The following CREBBP variants were observed in gnomAD, a reference collection of about 807,000 sequenced individuals.
CREBBP encodes CREB binding lysine acetyltransferase, also known as CREB-binding protein.
In CREBBP, 19 loss-of-function variants were observed where a neutral mutation model predicts 265.0. The ratio of observed to expected loss-of-function variants is 0.07; its 90% CI spans 0.05 to 0.11. The LOEUF (loss-of-function observed/expected upper bound fraction) is 0.11. Among genes scored for constraint, CREBBP ranks in the 10% least tolerant of loss-of-function variants. The probability of loss-of-function intolerance (pLI) is 1.00; values close to 1 mark genes in which losing one functional copy is unlikely to be tolerated. For synonymous variants in CREBBP, 1,457 were observed against 1,223.7 expected, an observed-to-expected ratio of 1.19 and a Z score of -3.98; for missense variants, 2,525 against 3,219.0, an observed-to-expected ratio of 0.78 and a Z score of 5.22.
At chr16:3,762,460 G>A (rs59074948) in intron 16 of CREBBP, among the ~76,000 whole-genome samples, 1,995 of 149,364 alleles carry the variant, frequency 0.013, 46 homozygotes, top group African/African-American at 0.047. Context: ...GATTACAGGC[G>A]TGAGCCACGG....
chr16:3,741,718 T>G (rs1249019521), intron 23 of CREBBP: 2 of 151,968 alleles, frequency 1.3e-5, no homozygotes, highest in African/African-American at 4.8e-5. Context: ...GGCGAGTGGA[T>G]CACCTGAGGT....
chr16:3,792,212 C>T (rs1440507865), intron 4 of CREBBP, 118 bp from the exon 5 acceptor site: 12 of 859,236 alleles, frequency 1.4e-5, no homozygotes, highest in South Asian at 9.8e-5. Context: ...AACCATAACA[C>T]AGTATAGGCA....
At chr16:3,776,267 C>T (rs1021104482) in intron 11 of CREBBP, among the ~76,000 whole-genome samples, 3 of 152,090 alleles carry the variant, frequency 2.0e-5, no homozygotes, top group African/African-American at 4.8e-5. Flanking sequence ...AGCCTCTTTC[C>T]TTAGAGTCTT....
intron 5 of CREBBP, among the ~76,000 whole-genome samples, chr16:3,786,848 A>C (rs2053399272): frequency 6.6e-6 from 1 of 152,014 alleles, no homozygotes; most frequent in Non-Finnish European, 1.5e-5. Context: ...GAGGGTGGGG[A>C]GATCACCTGA....
At chr16:3,839,164 A>T (rs146441438) in intron 2 of CREBBP, among the ~76,000 whole-genome samples, 18 of 152,356 alleles carry the variant, frequency 1.2e-4, no homozygotes, top group African/African-American at 4.1e-4. Flanking sequence ...GAGAGATTAA[A>T]TAAGTTTCCC....
chr16:3,748,269 CT>C (rs2052392619), intron 21 of CREBBP, among the ~76,000 whole-genome samples: 1 of 149,458 alleles, frequency 6.7e-6, no homozygotes, highest in Non-Finnish European at 1.5e-5. Context: ...CAGAGCAAGA[CT>C]TGTCTCAGGG....
chr16:3,829,042 A>C (rs1042118588), intron 2 of CREBBP, among the ~76,000 whole-genome samples: 2 of 151,186 alleles, frequency 1.3e-5, no homozygotes, highest in Non-Finnish European at 2.9e-5. Context: ...TCATATACAT[A>C]ATTTTGAAAA....
At chr16:3,837,558 G>A (rs1312729864) in intron 2 of CREBBP, among the ~76,000 whole-genome samples, 1 of 151,842 alleles carries the variant, frequency 6.6e-6, no homozygotes, top group Non-Finnish European at 1.5e-5. Flanking sequence ...GGAGGTTGCA[G>A]TGAGCAGAGA....
intron 2 of CREBBP, among the ~76,000 whole-genome samples, chr16:3,837,085 A>C (rs767179614): frequency 1.3e-5 from 2 of 152,198 alleles, no homozygotes; most frequent in African/African-American, 2.4e-5. Flanking sequence ...GTTAACTGTA[A>C]AACAGCCTCA....
Position 3,739,547 on chromosome 16 carries a change from T to C in CREBBP, c.4280+31A>G, listed in dbSNP as rs2151336346. Reference sequence around the variant, plus strand: ...GTCTATCCTAACACGGCTCACTGAATGACACGCCCTGGAAGGAGCTGGAAA... The same window carrying C: ...GTCTATCCTAACACGGCTCACTGAACGACACGCCCTGGAAGGAGCTGGAAA... On this transcript the variant is annotated intron_variant, in intron 25 of 30. Transcript: ENST00000262367. 1.9e-6 allele frequency: 3 copies of C among 1,614,012 alleles called. No homozygotes were observed. In the South Asian group the frequency reaches 3.3e-5, roughly 18 times the overall value.
intron 2 of CREBBP, among the ~76,000 whole-genome samples, chr16:3,819,179 A>T (rs1324773865): frequency 6.6e-6 from 1 of 152,272 alleles, no homozygotes; most frequent in Non-Finnish European, 1.5e-5. Context: ...TTTCATCCAT[A>T]GAGGCAACAT....
intron 26 of CREBBP, 34 bp downstream of exon 26, chr16:3,738,522 GTTC>G: frequency 8.1e-7 from 1 of 1,233,592 alleles, no homozygotes; most frequent in Non-Finnish European, 1.2e-6. Flanking sequence ...AAAATAAAGG[GTTC>G]TTACTAGTTC....
chr16:3,869,499 TAAAG>T (rs1006890402), intron 1 of CREBBP, among the ~76,000 whole-genome samples: 1 of 152,214 alleles, frequency 6.6e-6, no homozygotes, highest in African/African-American at 2.4e-5. Context: ...ATACGTATCT[TAAAG>T]AAAACTCTAG....
At position 3,729,113 on chromosome 16, in the gene CREBBP, G is replaced by T; in HGVS notation, c.5934C>A (p.Asn1978Lys). ...CCGTGCGTCCTGGGGGCATGCTGTT[G>T]TTGATGTTCACCCGGTACAGGTGCT... is the stretch of plus-strand genomic sequence containing the variant. ...QQQHLYRVNINNSMPPGRTGM... is the reference protein window; with the variant it reads ...QQQHLYRVNIKNSMPPGRTGM... Residue 1978 changes from asparagine (N) to lysine (K), a missense_variant, in exon 31 of 31, where the codon AAC becomes AAA. Around this residue, in one of 19 missense-constraint regions of CREBBP, gnomAD observed 275 missense variants for 276.5 expected, o/e 0.99. Transcript: ENST00000262367. The T allele has an allele frequency of 6.3e-7, 1 of 1,581,224 alleles. No individual in the cohort carries two copies. The highest frequency in any genetic ancestry group is 8.5e-7 in the Non-Finnish European group (1 of 1,169,794).
At chr16:3,826,196 G>C (rs1012718308) in intron 2 of CREBBP, among the ~76,000 whole-genome samples, 7 of 152,160 alleles carry the variant, frequency 4.6e-5, no homozygotes, top group East Asian at 1.9e-4. Flanking sequence ...CTGGGTGACA[G>C]AGCCAGACCC....
At chr16:3,814,313 G>C (rs2053997462) in intron 2 of CREBBP, among the ~76,000 whole-genome samples, 1 of 151,110 alleles carries the variant, frequency 6.6e-6, no homozygotes, top group Non-Finnish European at 1.5e-5. Context: ...GGAATGCAGT[G>C]GCATGATTTC....
intron 1 of CREBBP, 75 bp downstream of exon 1, chr16:3,879,757 G>A (rs373706634): frequency 4.1e-6 from 6 of 1,458,170 alleles, no homozygotes; most frequent in Non-Finnish European, 4.7e-6. Flanking sequence ...CCGCGACCAC[G>A]ACCCCCGGAC....
intron 1 of CREBBP, among the ~76,000 whole-genome samples, chr16:3,877,253 CTCAGG>C (rs1386135409): frequency 6.6e-6 from 1 of 152,336 alleles, no homozygotes; most frequent in Non-Finnish European, 1.5e-5. Flanking sequence ...GAATGTTATT[CTCAGG>C]TCTGTCCCAC....
intron 25 of CREBBP, among the ~76,000 whole-genome samples, chr16:3,739,046 C>T (rs1358671473): frequency 6.6e-6 from 1 of 152,240 alleles, no homozygotes; most frequent in Non-Finnish European, 1.5e-5. Flanking sequence ...GGTATTTACA[C>T]TGGCCACCAA....
Sources: gnomAD v4.1 joint callset for allele counts (sites outside exome capture counted in the v4.1 genomes callset) on GRCh38, gnomAD v4.1.1 for gene constraint, gnomAD v4.1.1 regional missense constraint, MANE v1.5 for transcripts, NCBI Gene and HGNC (gene_info 2026-07-23, HGNC 2026-07-21) for gene names.